SYNPO2: variants seen among roughly 807,000 people sequenced by gnomAD.
SYNPO2 encodes the protein synaptopodin-2.
SYNPO2 carries 56 observed loss-of-function variants against 85.0 expected under a neutral mutation model. The observed-to-expected ratio is 0.66, with a 90% CI of 0.53 to 0.82. SYNPO2 has a LOEUF of 0.82. SYNPO2 is among the 40% of genes least tolerant of loss of function. The pLI is 0.00. For synonymous variants in SYNPO2, 602 were observed against 591.1 expected (o/e 1.02, Z -0.27); for missense variants, 1,575 against 1,534.2 (o/e 1.03, Z -0.44).
intron 1 of SYNPO2, among the ~76,000 whole-genome samples, chr4:118,869,733 A>G (rs1731768974): frequency 6.6e-6 from 1 of 152,204 alleles, no homozygotes; most frequent in Admixed American, 6.5e-5. Flanking sequence ...GAGATAGGAC[A>G]GCTGATTTGT....
chr4:118,980,736 C>A (rs887810277), intron 1 of SYNPO2, among the ~76,000 whole-genome samples: 98 of 152,244 alleles, frequency 6.4e-4, no homozygotes, highest in African/African-American at 2.3e-3. Flanking sequence ...TTTTCAGATT[C>A]CAATTTATAA....
chr4:118,879,864 C>T (rs1732044667), intron 1 of SYNPO2, among the ~76,000 whole-genome samples: 1 of 151,798 alleles, frequency 6.6e-6, no homozygotes, highest in Non-Finnish European at 1.5e-5. Context: ...TGATGTCCCG[C>T]CTCCCTCCGA....
chr4:118,952,625 A>G (rs1734738972), intron 1 of SYNPO2, among the ~76,000 whole-genome samples: 1 of 152,280 alleles, frequency 6.6e-6, no homozygotes, highest in South Asian at 2.1e-4. Context: ...ATAATGTAAT[A>G]CCAAACTGCA....
intron 1 of SYNPO2, among the ~76,000 whole-genome samples, chr4:118,932,387 T>C (rs1226980193): frequency 6.6e-6 from 1 of 152,194 alleles, no homozygotes; most frequent in East Asian, 1.9e-4. Context: ...ACAGCAGAGT[T>C]TTGAGCTTGT....
Position 119,057,839 on chromosome 4 carries a change from G to A in SYNPO2, c.3691G>A (p.Ala1231Thr). The change falls in exon 5 of 5, where the codon GCA becomes ACA. Residue 1231 changes from alanine (A) to threonine (T), a missense_variant. Ala to Thr is a moderately conservative substitution (Grantham distance 58). This residue lies in a region of SYNPO2 where 1,508 missense variants were observed against 1,446.8 expected (regional missense o/e 1.04). Transcript: ENST00000307142. ...YYRQASRNDS[A>T]IMSMETRSDY... The stretch of plus-strand genomic sequence containing the variant: ...TAGGCAGGCTTCAAGAAATGATTCT[G>A]CAATCATGTCCATGGAAACCAGGTC... 2.5e-6 allele frequency: 4 copies of A among 1,614,014 alleles called. No individual in the cohort carries two copies. Among genetic ancestry groups the A allele is most frequent in the Non-Finnish European group, 3.4e-6 (4 of 1,179,998 alleles).
chr4:119,054,176 T>C (rs1739137530), intron 4 of SYNPO2, among the ~76,000 whole-genome samples: 1 of 152,216 alleles, frequency 6.6e-6, no homozygotes, highest in Non-Finnish European at 1.5e-5. Flanking sequence ...AGGAGCAGAC[T>C]TCATGTGTGG....
intron 1 of SYNPO2, among the ~76,000 whole-genome samples, chr4:118,982,218 A>G (rs770702159): frequency 6.6e-6 from 1 of 152,176 alleles, no homozygotes; most frequent in African/African-American, 2.4e-5. Flanking sequence ...TAAACCATTT[A>G]TATGGGGAGG....
In SYNPO2 at chr4:118,865,962, C is replaced by T. The variant is rs1731693489; in HGVS notation, c.12+15022C>T. 3.9e-5 allele frequency among the ~76,000 whole-genome samples: 6 copies of T among 152,126 alleles called. No homozygotes were observed. The South Asian group carries it at 1.0e-3, about 26-fold the overall frequency. On this transcript the variant is annotated intron_variant, in intron 1 of 4. Transcript: ENST00000610556. ...ATGTGGCTGGTGTGGGATTGGAACC[C>T]AGGAGAGTGAAGCTGATTCACAACA...
chr4:119,034,988 T>C (rs933102266), intron 4 of SYNPO2: 75 of 985,350 alleles, frequency 7.6e-5, no homozygotes, highest in Non-Finnish European at 8.6e-5. Context: ...TCTTCCTTTG[T>C]CCTTAGCATA....
At chr4:118,996,871 A>G (rs1381046615) in intron 1 of SYNPO2, among the ~76,000 whole-genome samples, 1 of 150,254 alleles carries the variant, frequency 6.7e-6, no homozygotes, top group African/African-American at 2.5e-5. Flanking sequence ...AAAAAAAAAA[A>G]AGTGTCATAA....
intron 1 of SYNPO2, among the ~76,000 whole-genome samples, chr4:118,958,135 T>G (rs978836212): frequency 2.6e-5 from 4 of 151,848 alleles, no homozygotes; most frequent in African/African-American, 9.7e-5. Flanking sequence ...CAAGGGACTT[T>G]ACTCTTAGCA....
chr4:119,018,102 T>G (rs947305847), intron 1 of SYNPO2, among the ~76,000 whole-genome samples: 2 of 151,856 alleles, frequency 1.3e-5, no homozygotes, highest in Non-Finnish European at 2.9e-5. Context: ...CCCCGAGAAG[T>G]CTTAACTTTC....
intron 1 of SYNPO2, among the ~76,000 whole-genome samples, chr4:118,864,000 G>A (rs950834111): frequency 3.9e-5 from 6 of 152,042 alleles, no homozygotes; most frequent in African/African-American, 7.2e-5. Flanking sequence ...CTAATTTTGG[G>A]TTTGGTTTGC....
At chr4:119,033,975 C>T (rs1398094619) in intron 4 of SYNPO2, 1 of 985,224 alleles carries the variant, frequency 1.0e-6, no homozygotes, top group African/African-American at 1.7e-5. Context: ...TCTTTCATTG[C>T]TTTTGGTGGA....
In SYNPO2 at chr4:118,941,241, A is replaced by G. The variant is rs553092310; in HGVS notation, c.105+52100A>G. Among the ~76,000 whole-genome samples, 10 of 152,114 alleles carry G rather than the reference A, an allele frequency of 6.6e-5. No individual in the cohort carries two copies. The South Asian group carries it at 2.1e-3, about 32-fold the overall frequency. On this transcript the variant is annotated intron_variant, in intron 1 of 4. Transcript: ENST00000307142. The stretch of plus-strand genomic sequence containing the variant: ...TCTTCCTTTCTCCTCCTCCCTTTCA[A>G]TTCATCAGCTCTACTTAGTTCCTCA...
intron 1 of SYNPO2, among the ~76,000 whole-genome samples, chr4:118,927,276 C>A (rs1483632542): frequency 6.6e-6 from 1 of 152,104 alleles, no homozygotes; most frequent in Non-Finnish European, 1.5e-5. Flanking sequence ...CATAATTTGA[C>A]ATTATTCAGG....
At chr4:118,890,776 T>C (rs999404887) in intron 1 of SYNPO2, among the ~76,000 whole-genome samples, 1 of 151,242 alleles carries the variant, frequency 6.6e-6, no homozygotes, top group Non-Finnish European at 1.5e-5. Flanking sequence ...GAGACAAATA[T>C]TTTAACTTAG....
intron 1 of SYNPO2, among the ~76,000 whole-genome samples, chr4:118,969,647 A>C (rs1578596675): frequency 6.6e-6 from 1 of 152,208 alleles, no homozygotes; most frequent in Non-Finnish European, 1.5e-5. Flanking sequence ...AAACCAAAGA[A>C]GCACTGTGTT....
At chr4:119,009,286 A>G (rs1337275414) in intron 1 of SYNPO2, among the ~76,000 whole-genome samples, 1 of 152,230 alleles carries the variant, frequency 6.6e-6, no homozygotes, top group Non-Finnish European at 1.5e-5. Flanking sequence ...ACCAGCTTAC[A>G]TTAAGTTTGC....
Sources: gnomAD v4.1 joint callset for allele counts (sites outside exome capture counted in the v4.1 genomes callset) on GRCh38, gnomAD v4.1.1 for gene constraint, gnomAD v4.1.1 regional missense constraint, MANE v1.5 for transcripts, NCBI Gene and HGNC (gene_info 2026-07-23, HGNC 2026-07-21) for gene names.